Variants in JPH3 observed in about 807,000 individuals in gnomAD.
The protein encoded by JPH3 is junctophilin-3.
Under a neutral mutation model 59.6 loss-of-function variants are expected in JPH3, and 11 were observed. That is an observed-to-expected ratio of 0.18 (90% CI 0.12 to 0.31). JPH3 has a LOEUF of 0.31. Ranked by LOEUF, JPH3 falls within the 10% of genes least tolerant of loss-of-function variation. The pLI is 1.00. For missense variants in JPH3, 1,202 were observed against 1,105.7 expected (o/e 1.09, Z -1.24); for synonymous variants, 673 against 483.6 (o/e 1.39, Z -5.14).
intron 1 of JPH3, among the ~76,000 whole-genome samples, chr16:87,629,258 A>G (rs1200548181): frequency 1.3e-5 from 2 of 152,172 alleles, no homozygotes; most frequent in East Asian, 3.9e-4. Context: ...CTGCTGGGCT[A>G]CTGCTGCGGT....
Position 87,613,215 on chromosome 16 carries a change from G to T in JPH3, c.382+9687G>T, listed in dbSNP as rs553049375. ...GGATTCACGCCATTCTCCTGCCTCA[G>T]CCTCCCGAGTAGCTGGGACTACAGG... is the stretch of plus-strand genomic sequence containing the variant. On this transcript the variant is annotated intron_variant, in intron 1 of 4. Transcript: ENST00000284262. 2.7e-5 allele frequency among the ~76,000 whole-genome samples: 4 copies of T among 148,894 alleles called. No homozygotes were observed. In the East Asian group the frequency reaches 8.4e-4, roughly 31 times the overall value.
chr16:87,655,587 C>G (rs1034896949), intron 2 of JPH3, among the ~76,000 whole-genome samples: 1 of 152,164 alleles, frequency 6.6e-6, no homozygotes. Flanking sequence ...CTCCTGGCCT[C>G]AAAAATTCTC....
chr16:87,627,692 G>T (rs1335466673), intron 1 of JPH3, among the ~76,000 whole-genome samples: 1 of 152,224 alleles, frequency 6.6e-6, no homozygotes, highest in Non-Finnish European at 1.5e-5. Flanking sequence ...GTATGGGGAA[G>T]GTGAGGCTCA....
intron 1 of JPH3, among the ~76,000 whole-genome samples, chr16:87,622,191 C>G (rs1366121856): frequency 6.6e-6 from 1 of 152,222 alleles, no homozygotes; most frequent in Non-Finnish European, 1.5e-5. Flanking sequence ...TGCCCCAGAG[C>G]TGCCTGCCTT....
intron 2 of JPH3, among the ~76,000 whole-genome samples, chr16:87,648,777 T>C (rs1343932357): frequency 6.6e-6 from 1 of 152,172 alleles, no homozygotes; most frequent in Non-Finnish European, 1.5e-5. Context: ...GCGCCCAGTG[T>C]TCGGAGCCTT....
At chr16:87,695,287 G>T (rs1198445617) in intron 4 of JPH3, 1 of 455,978 alleles carries the variant, frequency 2.2e-6, no homozygotes, top group Admixed American at 2.3e-5. Context: ...TTTGACCAGA[G>T]GCCAGACTTG....
At chr16:87,680,973 G>T (rs184237217) in intron 2 of JPH3, among the ~76,000 whole-genome samples, 1 of 152,254 alleles carries the variant, frequency 6.6e-6, no homozygotes, top group East Asian at 1.9e-4. Context: ...CTCGTGCTGT[G>T]TGTGGTGGGG....
intron 1 of JPH3, among the ~76,000 whole-genome samples, chr16:87,622,236 C>G (rs896877954): frequency 6.6e-6 from 1 of 152,230 alleles, no homozygotes; most frequent in Admixed American, 6.5e-5. Context: ...GTCCCTGCGT[C>G]TCCAGGACTC....
chr16:87,680,750 C>T (rs2033268794), intron 2 of JPH3, among the ~76,000 whole-genome samples: 1 of 152,218 alleles, frequency 6.6e-6, no homozygotes, highest in African/African-American at 2.4e-5. Context: ...TTATGACAAA[C>T]CGCTGCAGTG....
At chr16:87,632,728 A>G (rs543324490) in intron 1 of JPH3, among the ~76,000 whole-genome samples, 1 of 152,284 alleles carries the variant, frequency 6.6e-6, no homozygotes, top group South Asian at 2.1e-4. Flanking sequence ...CTTTGTCTCT[A>G]TTAAAAACAC....
intron 3 of JPH3, 56 bp from the exon 4 acceptor site, chr16:87,689,590 T>G (rs547918481): frequency 4.5e-6 from 7 of 1,571,584 alleles, no homozygotes; most frequent in Non-Finnish European, 6.0e-6. Flanking sequence ...GACCGCGGCC[T>G]CGCTGTGGAA....
chr16:87,684,311 C>T (rs369981379), intron 3 of JPH3, 45 bp downstream of exon 3: 40 of 1,605,632 alleles, frequency 2.5e-5, no homozygotes, highest in Middle Eastern at 1.7e-4. Flanking sequence ...GGAGGGGGTG[C>T]GTGGATGGCT....
chr16:87,650,909 G>T (rs1365113299), intron 2 of JPH3, among the ~76,000 whole-genome samples: 1 of 152,222 alleles, frequency 6.6e-6, no homozygotes, highest in African/African-American at 2.4e-5. Context: ...GATGAAGGTG[G>T]CTACACTAAA....
Position 87,644,627 on chromosome 16 carries a change from G to A in JPH3, c.752G>A (p.Ser251Asn), listed in dbSNP as rs371378713. The A allele has an allele frequency of 5.0e-6, 8 of 1,612,226 alleles. No individual in the cohort carries two copies. The highest frequency in any genetic ancestry group is 6.8e-6 in the Non-Finnish European group (8 of 1,179,914). The change falls in exon 2 of 5, where the codon AGC (serine) becomes AAC (asparagine). Residue 251 changes from serine to asparagine, a missense_variant. Transcript: ENST00000284262. Reference protein sequence around the residue: ...QSSFRSEAGMSTVSSTASDIH... With the variant: ...QSSFRSEAGMNTVSSTASDIH... ...TCCTTTCGCAGCGAGGCGGGCATGA[G>A]CACCGTCAGCTCCACGGCCAGCGAC...
intron 1 of JPH3, among the ~76,000 whole-genome samples, chr16:87,607,029 C>T (rs892411603): frequency 1.4e-4 from 21 of 152,320 alleles, no homozygotes; most frequent in African/African-American, 4.8e-4. Context: ...GAGCCTGGGC[C>T]TTTGCTAGGT....
chr16:87,625,209 C>G (rs1277707699), intron 1 of JPH3, among the ~76,000 whole-genome samples: 1 of 152,246 alleles, frequency 6.6e-6, no homozygotes, highest in African/African-American at 2.4e-5. Flanking sequence ...TTCCAGGGCT[C>G]CACCTGGCGA....
Position 87,644,453 on chromosome 16 carries a change from G to T in JPH3, c.578G>T (p.Arg193Leu), listed in dbSNP as rs753586224. 6.2e-7 allele frequency: 1 copy of T among 1,612,452 alleles called. No homozygotes were observed. The change falls in exon 2 of 5, where the codon CGC (arginine) becomes CTC (leucine). Residue 193 changes from arginine to leucine, a missense_variant. Transcript: ENST00000284262. ...GTGGCCGGCAGCCCGGCCGTGTCCC[G>T]CGGGGGCTTCGTGCTCGTGGCCCAC... ...PAVAGSPAVSRGGFVLVAHSD... is the reference protein window; with the variant it reads ...PAVAGSPAVSLGGFVLVAHSD...
At chr16:87,605,139 C>T (rs901385101) in intron 1 of JPH3, among the ~76,000 whole-genome samples, 1 of 152,152 alleles carries the variant, frequency 6.6e-6, no homozygotes, top group African/African-American at 2.4e-5. Context: ...GCAGACCTGT[C>T]CTCCAGAGGT....
At position 87,611,957 on chromosome 16, in the gene JPH3, G is replaced by A. The variant is rs1453709108; in HGVS notation, c.382+8429G>A. Among the ~76,000 whole-genome samples the A allele has an allele frequency of 6.6e-6, 1 of 152,180 alleles. No individual in the cohort carries two copies. The highest frequency in any genetic ancestry group is 6.5e-5 in the Admixed American group (1 of 15,284). On this transcript the variant is annotated intron_variant, in intron 1 of 4. Coordinates refer to ENST00000284262, the MANE Select transcript of JPH3 (RefSeq NM_020655.4). This position sits in a 1 kb window ranked among gnomAD's most constrained non-coding sequence, Gnocchi z 4.5. ...TCCAGGGTCAGGATGTGTGTTTGGA[G>A]ATGCTCAGGTGGCTGCAGTGCAGGA... is the stretch of plus-strand genomic sequence containing the variant.
Sources: gnomAD v4.1 joint callset for allele counts (sites outside exome capture counted in the v4.1 genomes callset) on GRCh38, gnomAD v4.1.1 for gene constraint, Gnocchi (gnomAD v3.1) non-coding constraint, MANE v1.5 for transcripts, NCBI Gene and HGNC (gene_info 2026-07-23, HGNC 2026-07-21) for gene names.